The following EFCAB8 variants were observed in gnomAD, a reference collection of about 807,000 sequenced individuals.
The protein encoded by EFCAB8 is EF-hand calcium-binding domain-containing protein 8.
Under a neutral mutation model 116.3 loss-of-function variants are expected in EFCAB8, and 100 were observed. The observed-to-expected ratio is 0.86, with a 90% CI of 0.73 to 1.02. The LOEUF (loss-of-function observed/expected upper bound fraction) is 1.02. Among genes scored for constraint, EFCAB8 ranks in the 50% least tolerant of loss-of-function variants. The pLI, the probability that EFCAB8 is intolerant of heterozygous loss-of-function variation, is 0.00. For synonymous variants in EFCAB8, 558 were observed against 567.9 expected, an observed-to-expected ratio of 0.98 and a Z score of 0.25; for missense variants, 1,320 against 1,416.9, an observed-to-expected ratio of 0.93 and a Z score of 1.10.
intron 23 of EFCAB8, among the ~76,000 whole-genome samples, chr20:32,953,009 T>C (rs922373791): frequency 6.6e-6 from 1 of 152,182 alleles, no homozygotes; most frequent in African/African-American, 2.4e-5. Context: ...GTAACCATCA[T>C]TCAACTTTCT....
chr20:32,874,569 T>C (rs1026179804), intron 3 of EFCAB8, among the ~76,000 whole-genome samples: 2 of 151,938 alleles, frequency 1.3e-5, no homozygotes, highest in African/African-American at 4.8e-5. Context: ...TTTGAGACAG[T>C]CTCACTCGGT....
intron 6 of EFCAB8, among the ~76,000 whole-genome samples, chr20:32,888,818 C>A (rs1353926035): frequency 1.3e-5 from 2 of 152,118 alleles, no homozygotes; most frequent in Non-Finnish European, 2.9e-5. Context: ...GCTGTGCTTT[C>A]CAGGTGGCTT....
intron 22 of EFCAB8, among the ~76,000 whole-genome samples, chr20:32,939,127 CTTTCTTTCTTTCTTTCTTTCTTTCTTT>C (rs1988259220): frequency 0.011 from 373 of 34,568 alleles, 25 homozygotes; most frequent in Middle Eastern, 0.033. Context: ...CTTTCTTTCT[CTTTCTTTCTTTCTTTCTTTCTTTCTTT>C]CTTTCTTTCT....
At chr20:32,885,836 C>G (rs1331703528) in intron 6 of EFCAB8, among the ~76,000 whole-genome samples, 196 bp downstream of exon 6, 1 of 152,222 alleles carries the variant, frequency 6.6e-6, no homozygotes, top group Non-Finnish European at 1.5e-5. Flanking sequence ...CAGGATTCCA[C>G]CTGGATGTCC....
intron 5 of EFCAB8, among the ~76,000 whole-genome samples, chr20:32,879,253 G>T (rs1985185337): frequency 6.6e-6 from 1 of 152,160 alleles, no homozygotes. Context: ...AACAGGAAGG[G>T]AATTGCTCCT....
chr20:32,919,927 G>A (rs1182062686), intron 19 of EFCAB8, among the ~76,000 whole-genome samples, 151 bp from the exon 20 acceptor site: 4 of 152,130 alleles, frequency 2.6e-5, no homozygotes, highest in African/African-American at 4.8e-5. Flanking sequence ...GGAGGTTTCC[G>A]GGATCCACTG....
chr20:32,896,437 G>T lies in EFCAB8; in HGVS notation c.884-17G>T, dbSNP rs1291074863. On this transcript the variant is annotated splice_polypyrimidine_tract_variant and intron_variant, in intron 9 of 26. Coordinates refer to ENST00000400522, the MANE Select transcript of EFCAB8 (RefSeq NM_001143967.2). ...GGGAAAGCTGCTGATGTGGACCTTGGTTTTTTCCCCTATCAGATCACTGGA... is the reference window on the plus strand; with the variant it reads ...GGGAAAGCTGCTGATGTGGACCTTGTTTTTTTCCCCTATCAGATCACTGGA... 3 of 718,524 alleles carry T rather than the reference G, an allele frequency of 4.2e-6. No individual in the cohort carries two copies. Among genetic ancestry groups the T allele is most frequent in the Non-Finnish European group, 7.8e-6 (3 of 385,120 alleles). The allele number at this position is 718,524 out of a possible 1,614,324, so 44.5% of individuals were successfully genotyped here.
intron 23 of EFCAB8, among the ~76,000 whole-genome samples, chr20:32,951,513 G>A (rs1426381606): frequency 6.6e-6 from 1 of 152,180 alleles, no homozygotes; most frequent in African/African-American, 2.4e-5. Flanking sequence ...AAACAAATGT[G>A]TAGTGTGACA....
chr20:32,937,222 C>T (rs762446961), intron 22 of EFCAB8, among the ~76,000 whole-genome samples: 9 of 151,986 alleles, frequency 5.9e-5, no homozygotes, highest in East Asian at 1.9e-4. Flanking sequence ...TCAGGTGATC[C>T]GACTGCCTCG....
chr20:32,898,781 C>T (rs552258169), intron 11 of EFCAB8, among the ~76,000 whole-genome samples, 158 bp downstream of exon 11: 1 of 152,298 alleles, frequency 6.6e-6, no homozygotes, highest in South Asian at 2.1e-4. Context: ...GAGAACACAG[C>T]AGCCTCTTTT....
chr20:32,931,113 C>T, intron 21 of EFCAB8, 65 bp from the exon 22 acceptor site: 2 of 1,357,948 alleles, frequency 1.5e-6, no homozygotes, highest in Non-Finnish European at 2.0e-6. Context: ...CTGGGAGGAG[C>T]CCGCAGAGTG....
intron 6 of EFCAB8, among the ~76,000 whole-genome samples, chr20:32,887,806 G>C (rs141625542): frequency 6.6e-6 from 1 of 152,332 alleles, no homozygotes; most frequent in East Asian, 1.9e-4. Flanking sequence ...CTCCTACTGA[G>C]TGCTGGGCAC....
chr20:32,960,857 G>A lies in EFCAB8; in HGVS notation c.3394-279G>A, dbSNP rs559432083. Reference sequence around the variant, plus strand: ...GGCCTCACCCAGGGTCCAGCTCGAGGCCTCATTCTCAGAAGCGGGCAGTCT... The same window carrying A: ...GGCCTCACCCAGGGTCCAGCTCGAGACCTCATTCTCAGAAGCGGGCAGTCT... On this transcript the variant is annotated intron_variant, in intron 26 of 26. Coordinates refer to ENST00000400522, the MANE Select transcript of EFCAB8 (RefSeq NM_001143967.2). 3.3e-5 allele frequency among the ~76,000 whole-genome samples: 5 copies of A among 152,336 alleles called. No homozygotes were observed. The South Asian group carries it at 1.0e-3, about 32-fold the overall frequency.
chr20:32,883,490 A>G (rs1985446569), intron 5 of EFCAB8, among the ~76,000 whole-genome samples: 1 of 152,168 alleles, frequency 6.6e-6, no homozygotes, highest in Non-Finnish European at 1.5e-5. Flanking sequence ...TAGCATGTCC[A>G]GTTCATATAG....
chr20:32,879,409 C>G (rs576133244), intron 5 of EFCAB8, among the ~76,000 whole-genome samples: 9 of 152,320 alleles, frequency 5.9e-5, no homozygotes, highest in African/African-American at 2.2e-4. Context: ...CTCCTCCACC[C>G]GCTGTGCCCA....
chr20:32,867,609 A>G lies in EFCAB8; in HGVS notation c.70A>G (p.Lys24Glu), dbSNP rs1424938766. ...KLSIPHGFQNKEAASSPTPSI... is the reference protein window; with the variant it reads ...KLSIPHGFQNEEAASSPTPSI... ...GTCCATCCCACATGGCTTCCAGAACAAGGAGGCTGCTAGCTCCCCAACACC... is the reference window on the plus strand; with the variant it reads ...GTCCATCCCACATGGCTTCCAGAACGAGGAGGCTGCTAGCTCCCCAACACC... The change falls in exon 3 of 27, where the codon AAG (lysine) becomes GAG (glutamate). Residue 24 changes from lysine (K) to glutamate (E), a missense_variant. Physicochemically the swap from Lys to Glu is moderately conservative, Grantham distance 56. Coordinates refer to ENST00000400522, the MANE Select transcript of EFCAB8 (RefSeq NM_001143967.2). The G allele has an allele frequency of 9.0e-6, 14 of 1,551,666 alleles. No individual in the cohort carries two copies. Among genetic ancestry groups the G allele is most frequent in the Non-Finnish European group, 1.2e-5 (14 of 1,146,978 alleles).
intron 11 of EFCAB8, among the ~76,000 whole-genome samples, chr20:32,901,253 G>A (rs1208926822): frequency 6.6e-6 from 1 of 152,204 alleles, no homozygotes; most frequent in African/African-American, 2.4e-5. Context: ...GCTTCCCTGG[G>A]CCACATAGGA....
rs1023564553 is a variant in EFCAB8, at chr20:32,917,308, A to C, written c.1864A>C (p.Lys622Gln). Residue 622 changes from lysine (K) to glutamine (Q), a missense_variant, in exon 18 of 27, where the codon AAG becomes CAG. Physicochemically the swap from Lys to Gln is moderately conservative, Grantham distance 53. Coordinates refer to ENST00000400522, the MANE Select transcript of EFCAB8 (RefSeq NM_001143967.2). The part of the protein sequence containing the change: ...SKRITHFLFH[K>Q]TKPVLLCYHW... ...CTCTGGCCATATGCACAGGTTCCAC[A>C]AGACCAAGCCAGTGCTCTTGTGCTA... The C allele has an allele frequency of 6.4e-7, 1 of 1,551,306 alleles. No homozygotes were observed. The highest frequency in any genetic ancestry group is 1.4e-5 in the African/African-American group (1 of 72,992).
At chr20:32,865,203 C>T (rs1043235851) in intron 2 of EFCAB8, among the ~76,000 whole-genome samples, 2 of 152,146 alleles carry the variant, frequency 1.3e-5, no homozygotes, top group African/African-American at 4.8e-5. Context: ...GCAGTGATGA[C>T]TGTCATCTGA....
Sources: gnomAD v4.1 joint callset for allele counts (sites outside exome capture counted in the v4.1 genomes callset) on GRCh38, gnomAD v4.1.1 for gene constraint, MANE v1.5 for transcripts, NCBI Gene and HGNC (gene_info 2026-07-23, HGNC 2026-07-21) for gene names.